Variants in ZNF677 observed in about 807,000 individuals in gnomAD.
ZNF677 encodes the protein zinc finger protein 677, also known as hypothetical protein MGC48625.
In ZNF677, 5 loss-of-function variants were observed where a neutral mutation model predicts 8.1. The ratio of observed to expected loss-of-function variants is 0.62; its 90% CI spans 0.32 to 1.29. The LOEUF is 1.29. Among genes scored for constraint, ZNF677 ranks in the 50% most tolerant of loss-of-function variants. The pLI, the probability that ZNF677 is intolerant of heterozygous loss-of-function variation, is 0.05. For missense variants in ZNF677, 685 were observed against 685.9 expected (o/e 1.00, Z 0.01); for synonymous variants, 221 against 225.6 (o/e 0.98, Z 0.18).
chr19:53,251,448 C>T, intron 3 of ZNF677, 88 bp downstream of exon 3: 1 of 1,093,186 alleles, frequency 9.1e-7, no homozygotes, highest in Non-Finnish European at 1.4e-6. Flanking sequence ...AGTCAGGACA[C>T]TTCAGAGTCA....
chr19:53,249,930 C>T (rs144430414), intron 3 of ZNF677, among the ~76,000 whole-genome samples: 264 of 152,046 alleles, frequency 1.7e-3, no homozygotes, highest in Non-Finnish European at 2.7e-3. Context: ...TGGAGTGCAA[C>T]GGCACAATCT....
intron 3 of ZNF677, chr19:53,244,151 C>T: frequency 2.4e-6 from 1 of 422,596 alleles, no homozygotes; most frequent in Non-Finnish European, 4.2e-6. Flanking sequence ...TGCTTGAGCT[C>T]AGGAGTTTGA....
In ZNF677 at chr19:53,254,508, G is replaced by C. The variant is rs187700016; in HGVS notation, c.-127+326C>G. The stretch of plus-strand genomic sequence containing the variant: ...GGCGAAGGGTGTGTATCCACCCCGA[G>C]TGAGGGCTTTACCAGGGGGAGGGAA... On this transcript the variant is annotated intron_variant, in intron 1 of 4. Coordinates refer to ENST00000598513, the MANE Select transcript of ZNF677 (RefSeq NM_182609.4). The C allele has an allele frequency of 3.3e-5, 5 of 152,384 alleles. No homozygotes were observed. In the East Asian group the frequency reaches 9.7e-4, roughly 29 times the overall value. The allele number at this position is 152,384 out of a possible 1,614,324, so 9.4% of individuals were successfully genotyped here.
chr19:53,249,228 T>C (rs2146963806), intron 3 of ZNF677: 1 of 152,336 alleles, frequency 6.6e-6, no homozygotes, highest in African/African-American at 2.4e-5. Context: ...CTAAGCATGG[T>C]TAAGATAGTT....
Position 53,238,334 on chromosome 19 carries a change from T to C in ZNF677, c.393A>G (p.Arg131=), listed in dbSNP as rs1265736031. 3 of 1,613,188 alleles carry C rather than the reference T, an allele frequency of 1.9e-6. No individual in the cohort carries two copies. The highest frequency in any genetic ancestry group is 4.5e-5 in the East Asian group (2 of 44,852). The change falls in exon 5 of 5, where the codon AGA becomes AGG. Residue 131 remains arginine (R), a synonymous_variant. Transcript: ENST00000598513. ...AGGATTTATTATGTTGTTGATCTTT[T>C]CTGTGAGTGAGATTTTTGTTACAGG... is the stretch of plus-strand genomic sequence containing the variant. ...PLTCNKNLTH[R]KDQQHNKSSI...
chr19:53,245,557 G>A (rs996542574), intron 3 of ZNF677, among the ~76,000 whole-genome samples: 24 of 151,908 alleles, frequency 1.6e-4, no homozygotes, highest in African/African-American at 5.1e-4. Flanking sequence ...CCAGGAAAAC[G>A]CAAATCAACA....
chr19:53,237,195 C>T lies in ZNF677; in HGVS notation c.1532G>A (p.Gly511Glu). 1 of 1,612,592 alleles carries T rather than the reference C, an allele frequency of 6.2e-7. No individual in the cohort carries two copies. Residue 511 changes from glycine to glutamate, a missense_variant, in exon 5 of 5, where the codon GGA becomes GAA. Physicochemically the swap from Gly to Glu is moderately conservative, Grantham distance 98 (BLOSUM62 -2). Transcript: ENST00000598513. ...TTCAGTACATTTGTAAGGTTTCTCT[C>T]CAGTATGGATTTTCTTATGCTGAGT... The part of the protein sequence containing the change: ...NLTQHKKIHT[G>E]EKPYKCTECG...
At chr19:53,242,358 C>T (rs993352247) in intron 4 of ZNF677, 4 of 398,514 alleles carry the variant, frequency 1.0e-5, no homozygotes, top group African/African-American at 4.1e-5. Flanking sequence ...ATAAAAGGTA[C>T]GGGAGTAAAA....
chr19:53,245,275 A>G (rs561609518), intron 3 of ZNF677, among the ~76,000 whole-genome samples: 1 of 152,334 alleles, frequency 6.6e-6, no homozygotes, highest in East Asian at 1.9e-4. Context: ...AAAATAGACC[A>G]GTGGGACTAC....
intron 3 of ZNF677, among the ~76,000 whole-genome samples, chr19:53,246,401 G>A (rs1290795897): frequency 2.6e-5 from 4 of 151,510 alleles, no homozygotes; most frequent in Non-Finnish European, 4.4e-5. Flanking sequence ...AAGAGAGATA[G>A]GTACTTCCAT....
chr19:53,242,095 C>T (rs954393227), intron 4 of ZNF677: 1 of 395,024 alleles, frequency 2.5e-6, no homozygotes, highest in Non-Finnish European at 4.5e-6. Context: ...ACACACCCGG[C>T]TAATTTTTGT....
chr19:53,238,946 C>T (rs898046754), intron 4 of ZNF677: 1 of 153,834 alleles, frequency 6.5e-6, no homozygotes, highest in African/African-American at 2.4e-5. Context: ...ATAATTATTA[C>T]ACACAAAAGG....
chr19:53,237,473 G>A lies in ZNF677; in HGVS notation c.1254C>T (p.Leu418=). 8 of 1,613,772 alleles carry A rather than the reference G, an allele frequency of 5.0e-6. No homozygotes were observed. Among genetic ancestry groups the A allele is most frequent in the Non-Finnish European group, 6.8e-6 (8 of 1,179,868 alleles). The change falls in exon 5 of 5, where the codon CTC becomes CTT. Residue 418 remains leucine (L), a synonymous_variant. Transcript: ENST00000598513. ...CGKAFKQCSH[L]TRHQNIHPGE... ...CAGGATGTATATTCTGATGCCTAGT[G>A]AGATGTGAGCACTGCTTAAAAGCTT...
rs767596882 is a variant in ZNF677 at position 53,250,015 on chromosome 19, G to T, written c.15+1521C>A. Reference sequence around the variant, plus strand: ...AGCCTCTCGAGTAGCTGGGATTACAGGCACGTGCCACCATGCCCAGCTAAT... The same window carrying T: ...AGCCTCTCGAGTAGCTGGGATTACATGCACGTGCCACCATGCCCAGCTAAT... On this transcript the variant is annotated intron_variant, in intron 3 of 4. Transcript: ENST00000598513. Among the ~76,000 whole-genome samples the T allele has an allele frequency of 2.0e-5, 3 of 152,072 alleles. No individual in the cohort carries two copies. The East Asian group carries it at 5.8e-4, about 29-fold the overall frequency.
chr19:53,246,810 T>C (rs1170198052), intron 3 of ZNF677, among the ~76,000 whole-genome samples: 1 of 152,176 alleles, frequency 6.6e-6, no homozygotes, highest in Admixed American at 6.5e-5. Context: ...ACACAGTGCT[T>C]ATAGTTAATC....
intron 3 of ZNF677, among the ~76,000 whole-genome samples, chr19:53,245,308 T>C (rs2091118373): frequency 6.6e-6 from 1 of 152,050 alleles, no homozygotes; most frequent in East Asian, 1.9e-4. Flanking sequence ...CACTTGTGCA[T>C]ACCAAAAGAA....
In ZNF677 at chr19:53,237,775, G is replaced by C; in HGVS notation, c.952C>G (p.Pro318Ala). ...RHQRVHTGEK[P>A]YQCNICGKVC... ...TTGCCACATATATTACATTGATATG[G>C]TTTCTCTCCTGTATGGACTCTCTGA... The change falls in exon 5 of 5, where the codon CCA (proline) becomes GCA (alanine). Residue 318 changes from proline (P) to alanine (A), a missense_variant. Physicochemically the swap from Pro to Ala is conservative, Grantham distance 27. Transcript: ENST00000598513. The C allele has an allele frequency of 6.2e-7, 1 of 1,613,534 alleles. No individual in the cohort carries two copies. Among genetic ancestry groups the C allele is most frequent in the Non-Finnish European group, 8.5e-7 (1 of 1,179,790 alleles).
intron 2 of ZNF677, among the ~76,000 whole-genome samples, chr19:53,252,304 A>C (rs2091247429): frequency 6.6e-6 from 1 of 152,128 alleles, no homozygotes; most frequent in Admixed American, 6.5e-5. Flanking sequence ...CAGGGATCCC[A>C]TCGGCTCAGA....
Position 53,243,729 on chromosome 19 carries a change from T to A in ZNF677, c.169+15A>T, listed in dbSNP as rs371369498. On this transcript the variant is annotated intron_variant, in intron 4 of 4. Transcript: ENST00000598513. ...ACTCACAAGGAAAAATGTAAAGATG[T>A]ACAAGGGTGGTTACCATCTTCTGGA... 2 of 1,614,150 alleles carry A rather than the reference T, an allele frequency of 1.2e-6. No individual in the cohort carries two copies. The highest frequency in any genetic ancestry group is 1.7e-6 in the Non-Finnish European group (2 of 1,180,016).
Sources: allele counts gnomAD v4.1 joint callset (sites outside exome capture counted in the v4.1 genomes callset), GRCh38; gene constraint gnomAD v4.1.1; transcripts MANE v1.5; gene names NCBI Gene and HGNC (gene_info 2026-07-23, HGNC 2026-07-21).